PMPCB: variants seen among roughly 807,000 people sequenced by gnomAD.
The protein encoded by PMPCB is mitochondrial-processing peptidase subunit beta.
PMPCB carries 46 observed loss-of-function variants against 61.5 expected under a neutral mutation model. That is an observed-to-expected ratio of 0.75 (90% CI 0.59 to 0.96). PMPCB has a LOEUF of 0.96. PMPCB is among the 40% of genes least tolerant of loss of function. PMPCB has a pLI of 0.00. For missense variants in PMPCB, 590 were observed against 602.4 expected, an observed-to-expected ratio of 0.98 and a Z score of 0.22; for synonymous variants, 191 against 201.6, an observed-to-expected ratio of 0.95 and a Z score of 0.44.
At chr7:103,324,826 C>G (rs1818616856) in intron 12 of PMPCB, 1 of 221,768 alleles carries the variant, frequency 4.5e-6, no homozygotes, top group East Asian at 1.1e-4. Context: ...ATCTTCAGTT[C>G]TATAAAATAC....
At chr7:103,330,994 TG>T (rs901024256), downstream of PMPCB, among the ~76,000 whole-genome samples, 19 of 152,094 alleles carry the variant, frequency 1.2e-4, no homozygotes, top group African/African-American at 4.6e-4. Flanking sequence ...AGTCTCACTC[TG>T]TTGGCCAGGC....
intron 12 of PMPCB, chr7:103,326,412 G>C: frequency 1.1e-6 from 1 of 874,154 alleles, no homozygotes; most frequent in South Asian, 1.6e-5. Context: ...CAGAGAAGGA[G>C]GAGGAGGAGG....
intron 4 of PMPCB, among the ~76,000 whole-genome samples, chr7:103,301,463 A>G (rs76990097): frequency 1.3e-5 from 2 of 152,258 alleles, no homozygotes; most frequent in South Asian, 2.1e-4. Flanking sequence ...AGAGTTGTTC[A>G]TTCCAGCCTA....
the PMPCB span, chr7:103,344,258 G>C: frequency 2.3e-6 from 1 of 432,010 alleles, no homozygotes; most frequent in East Asian, 3.8e-5. Flanking sequence ...ATGCTTATGA[G>C]AACCTTTCTG....
the PMPCB span, chr7:103,341,818 T>G: frequency 1.2e-6 from 2 of 1,609,810 alleles, no homozygotes. Flanking sequence ...CCAACTGCAA[T>G]TCTTCATCTT....
At chr7:103,310,879 G>A (rs894413196) in intron 9 of PMPCB, 1 of 154,274 alleles carries the variant, frequency 6.5e-6, no homozygotes, top group Non-Finnish European at 1.4e-5. Context: ...TAGAGATGGG[G>A]TTTCACCATG....
At chr7:103,336,873 G>A in the PMPCB span, 11 of 152,150 alleles carry the variant, frequency 7.2e-5, no homozygotes, top group Admixed American at 2.0e-4. Context: ...TAATGGGGAC[G>A]ATTTTGAGTT....
chr7:103,341,835 C>G, the PMPCB span: 1 of 1,612,010 alleles, frequency 6.2e-7, no homozygotes, highest in Non-Finnish European at 8.5e-7. Flanking sequence ...TCTTCTGATT[C>G]CTCGGATAAC....
downstream of PMPCB, among the ~76,000 whole-genome samples, chr7:103,318,701 T>C (rs1470337607): frequency 2.6e-5 from 4 of 152,220 alleles, no homozygotes; most frequent in African/African-American, 9.6e-5. Context: ...TGTTTTCTTA[T>C]CTGTAAAATA....
intron 7 of PMPCB, 70 bp downstream of exon 7, chr7:103,307,778 A>G: frequency 1.2e-6 from 1 of 817,372 alleles, no homozygotes; most frequent in Non-Finnish European, 2.1e-6. Context: ...ATAAGTAAAC[A>G]AAATGTGCAT....
At chr7:103,344,369 A>C in the PMPCB span, 1 of 617,306 alleles carries the variant, frequency 1.6e-6, no homozygotes, top group Non-Finnish European at 2.8e-6. Context: ...GGCACCCCTC[A>C]CCCTCCTTCC....
chr7:103,318,175 G>GT (rs113906075), downstream of PMPCB, among the ~76,000 whole-genome samples: 7,694 of 150,086 alleles, frequency 0.051, 263 homozygotes, highest in South Asian at 0.14. Context: ...TTTTTTGTCT[G>GT]TTTTTTTTGA....
chr7:103,338,969 C>G, the PMPCB span, among the ~76,000 whole-genome samples: 3 of 152,056 alleles, frequency 2.0e-5, no homozygotes, highest in Admixed American at 6.5e-5. Context: ...TATTATACAG[C>G]CTCCTTGATG....
downstream of PMPCB, chr7:103,315,924 T>C: frequency 6.5e-7 from 1 of 1,549,310 alleles, no homozygotes; most frequent in Admixed American, 1.8e-5. Flanking sequence ...AATCTTTCAT[T>C]AAATTGCATA....
At chr7:103,337,616 A>C in the PMPCB span, 7 of 798,430 alleles carry the variant, frequency 8.8e-6, no homozygotes, top group Admixed American at 5.2e-5. Flanking sequence ...ATGACAATAT[A>C]ACACATGCTG....
At position 103,303,870 on chromosome 7, in the gene PMPCB, A is replaced by G. The variant is rs753336053; in HGVS notation, c.486A>G (p.Gln162=). ...RAVEILADII[Q]NSTLGEAEIE... ...TAGAAATTCTTGCTGATATAATACA[A>G]AACAGCACATTGGGAGAAGCAGAGA... Residue 162 remains glutamine, a synonymous_variant, in exon 5 of 13, where the codon CAA becomes CAG. Transcript: ENST00000249269. The G allele has an allele frequency of 3.7e-6, 6 of 1,613,158 alleles. No homozygotes were observed. The highest frequency in any genetic ancestry group is 4.2e-6 in the Non-Finnish European group (5 of 1,179,382).
At chr7:103,308,202 TG>T (rs1346995921) in intron 7 of PMPCB, among the ~76,000 whole-genome samples, 1 of 152,218 alleles carries the variant, frequency 6.6e-6, no homozygotes, top group African/African-American at 2.4e-5. Flanking sequence ...CTGCTTAGTT[TG>T]CCATGTTGAG....
intron 2 of PMPCB, 53 bp downstream of exon 2, chr7:103,298,761 T>C: frequency 1.3e-6 from 2 of 1,550,560 alleles, no homozygotes; most frequent in Non-Finnish European, 8.8e-7. Context: ...GCGTAGCAAA[T>C]TGTTGATTTT....
At chr7:103,307,443 G>A (rs1379767838) in intron 6 of PMPCB, among the ~76,000 whole-genome samples, 153 bp from the exon 7 acceptor site, 1 of 152,184 alleles carries the variant, frequency 6.6e-6, no homozygotes. Context: ...CAACACCAAG[G>A]AAATAGGTGT....
Sources: allele counts gnomAD v4.1 joint callset (sites outside exome capture counted in the v4.1 genomes callset), GRCh38; gene constraint gnomAD v4.1.1; transcripts MANE v1.5; gene names NCBI Gene and HGNC (gene_info 2026-07-23, HGNC 2026-07-21).